The following SGCZ variants were observed in gnomAD, a reference collection of about 807,000 sequenced individuals.
SGCZ encodes the protein zeta-sarcoglycan.
A neutral mutation model predicts 41.3 loss-of-function variants in SGCZ; 40 were observed. The ratio of observed to expected loss-of-function variants is 0.97; its 90% confidence interval spans 0.75 to 1.26. SGCZ has a LOEUF of 1.26. SGCZ is among the 50% of genes most tolerant of loss of function. The pLI is 0.00. For synonymous variants in SGCZ, 206 were observed against 137.5 expected (o/e 1.50, Z -3.49); for missense variants, 552 against 369.8 (o/e 1.49, Z -4.04).
At chr8:15,008,541 A>AAGGAAGGAAGGG (rs1156576852) in intron 1 of SGCZ, among the ~76,000 whole-genome samples, 26,408 of 59,398 alleles carry the variant, frequency 0.44, 6,968 homozygotes, top group South Asian at 0.5. Context: ...GGAAGGAAGG[A>AAGGAAGGAAGGG]AGGGAGGGAG....
intron 3 of SGCZ, among the ~76,000 whole-genome samples, chr8:14,270,551 C>T (rs1800022729): frequency 2.6e-5 from 4 of 152,050 alleles, no homozygotes; most frequent in African/African-American, 9.7e-5. Context: ...CCAATTATCC[C>T]TTTACTTATT....
At chr8:14,790,470 T>C (rs749219924) in intron 1 of SGCZ, among the ~76,000 whole-genome samples, 1 of 152,178 alleles carries the variant, frequency 6.6e-6, no homozygotes, top group Non-Finnish European at 1.5e-5. Context: ...AAAAAATGTT[T>C]ATAATCTAAC....
intron 1 of SGCZ, among the ~76,000 whole-genome samples, chr8:15,202,290 A>T (rs1342667827): frequency 1.3e-5 from 2 of 152,194 alleles, no homozygotes; most frequent in African/African-American, 4.8e-5. Context: ...GTGGTAGAAT[A>T]AAGAAATGTG....
chr8:14,345,028 G>A (rs180894010), intron 2 of SGCZ, among the ~76,000 whole-genome samples: 96 of 152,112 alleles, frequency 6.3e-4, no homozygotes, highest in Middle Eastern at 6.8e-3. Context: ...GCAAATGTAC[G>A]TGTGCATATA....
At chr8:14,860,487 G>A (rs1463977988) in intron 1 of SGCZ, among the ~76,000 whole-genome samples, 5 of 144,352 alleles carry the variant, frequency 3.5e-5, no homozygotes, top group Admixed American at 7.2e-5. Context: ...AGGAAGAGGA[G>A]AAAGAGAAAG....
At chr8:14,216,428 T>C (rs772042186) in intron 4 of SGCZ, among the ~76,000 whole-genome samples, 2 of 152,126 alleles carry the variant, frequency 1.3e-5, no homozygotes, top group Non-Finnish European at 2.9e-5. Context: ...GGATAACAAA[T>C]CTACACAAAG....
intron 1 of SGCZ, among the ~76,000 whole-genome samples, chr8:14,669,776 A>G (rs1778502443): frequency 1.3e-5 from 2 of 152,036 alleles, no homozygotes; most frequent in African/African-American, 2.4e-5. Context: ...ATGTTTCCAT[A>G]TCTTGTCTAT....
At chr8:14,508,721 C>A (rs755083519) in intron 2 of SGCZ, among the ~76,000 whole-genome samples, 1 of 152,088 alleles carries the variant, frequency 6.6e-6, no homozygotes, top group Non-Finnish European at 1.5e-5. Context: ...ACAGTAGCAA[C>A]GTTGGTTGTC....
At chr8:14,608,668 T>A (rs1805830685) in intron 1 of SGCZ, among the ~76,000 whole-genome samples, 1 of 151,958 alleles carries the variant, frequency 6.6e-6, no homozygotes, top group South Asian at 2.1e-4. Flanking sequence ...TGGTGGAAGC[T>A]GTTTGGGTCA....
chr8:14,681,068 G>T lies in SGCZ; in HGVS notation c.40-126142C>A, dbSNP rs1195331489. The stretch of plus-strand genomic sequence containing the variant: ...ATAGATGAAATTGCCCTAGTTCAGA[G>T]TAATGAGCTAGACAAATACATTTAA... On this transcript the variant is annotated intron_variant, in intron 1 of 7. Transcript: ENST00000382080. 3.3e-5 allele frequency among the ~76,000 whole-genome samples: 5 copies of T among 151,196 alleles called. No individual in the cohort carries two copies. The East Asian group carries it at 9.7e-4, about 29-fold the overall frequency.
chr8:14,757,295 C>T (rs188059857), intron 1 of SGCZ, among the ~76,000 whole-genome samples: 18 of 152,250 alleles, frequency 1.2e-4, no homozygotes, highest in African/African-American at 3.6e-4. Context: ...GTGATCCATC[C>T]GCCTCAGCCT....
At chr8:14,103,547 T>C (rs1802102945) in intron 6 of SGCZ, among the ~76,000 whole-genome samples, 1 of 152,314 alleles carries the variant, frequency 6.6e-6, no homozygotes, top group Middle Eastern at 3.4e-3. Context: ...GTTAGGTCTC[T>C]GGAGTTCAGC....
chr8:14,399,292 G>T (rs1037937), intron 2 of SGCZ, among the ~76,000 whole-genome samples: 5,941 of 152,082 alleles, frequency 0.039, 353 homozygotes, highest in African/African-American at 0.13. Flanking sequence ...TAATTGCTTA[G>T]ATGACTAGTA....
intron 1 of SGCZ, among the ~76,000 whole-genome samples, chr8:15,191,446 T>C (rs550424846): frequency 6.6e-6 from 1 of 152,200 alleles, no homozygotes; most frequent in South Asian, 2.1e-4. Context: ...AACTTAGGAA[T>C]GTTAAATAGT....
chr8:14,258,033 C>T (rs889084435), intron 3 of SGCZ, among the ~76,000 whole-genome samples: 22 of 152,160 alleles, frequency 1.4e-4, no homozygotes, highest in African/African-American at 3.6e-4. Context: ...AAGAACCTTG[C>T]GTGACATTTT....
chr8:14,859,007 C>T (rs1319992266), intron 1 of SGCZ, among the ~76,000 whole-genome samples: 1 of 152,010 alleles, frequency 6.6e-6, no homozygotes, highest in African/African-American at 2.4e-5. Flanking sequence ...ACCTAATATT[C>T]ATATCTGAAT....
intron 1 of SGCZ, among the ~76,000 whole-genome samples, chr8:15,002,415 G>C (rs1344414864): frequency 6.6e-6 from 1 of 152,098 alleles, no homozygotes; most frequent in Non-Finnish European, 1.5e-5. Flanking sequence ...TTTATTTTAA[G>C]GTTTCTGAGG....
At chr8:15,038,485 C>T (rs1327781650) in intron 1 of SGCZ, among the ~76,000 whole-genome samples, 5 of 151,366 alleles carry the variant, frequency 3.3e-5, no homozygotes, top group Admixed American at 6.6e-5. Flanking sequence ...TAATATAAGA[C>T]CTTGAACTAT....
intron 2 of SGCZ, among the ~76,000 whole-genome samples, chr8:14,463,766 C>T (rs535739881): frequency 1.3e-5 from 2 of 151,626 alleles, no homozygotes; most frequent in African/African-American, 4.8e-5. Flanking sequence ...TTCTAGACAG[C>T]TTTTATTATG....
Sources: allele counts gnomAD v4.1 joint callset (sites outside exome capture counted in the v4.1 genomes callset), GRCh38; gene constraint gnomAD v4.1.1; transcripts MANE v1.5; gene names NCBI Gene and HGNC (gene_info 2026-07-23, HGNC 2026-07-21).